Variants in BCL3 observed in about 807,000 individuals in gnomAD.
BCL3 encodes B-cell lymphoma 3 protein.
In BCL3, 15 loss-of-function variants were observed where a neutral mutation model predicts 35.7. The observed-to-expected ratio is 0.42, with a 90% CI of 0.28 to 0.65. The LOEUF is 0.65. Ranked by LOEUF, BCL3 falls within the 30% of genes least tolerant of loss-of-function variation. The probability of loss-of-function intolerance (pLI) is 0.22; values close to 1 mark genes in which losing one functional copy is unlikely to be tolerated. For synonymous variants in BCL3, 311 were observed against 284.3 expected (o/e 1.09, Z -0.95); for missense variants, 565 against 641.7 (o/e 0.88, Z 1.29).
intron 2 of BCL3, 38 bp from the exon 3 acceptor site, chr19:44,756,194 C>T: frequency 1.5e-6 from 2 of 1,371,124 alleles, no homozygotes; most frequent in South Asian, 1.7e-5. Flanking sequence ...GGTGAACAAC[C>T]CCTAATGCCT....
intron 2 of BCL3, among the ~76,000 whole-genome samples, chr19:44,752,557 G>T (rs1420353310): frequency 6.6e-6 from 1 of 151,770 alleles, no homozygotes; most frequent in Non-Finnish European, 1.5e-5. Flanking sequence ...TTGTTTCATG[G>T]TCACAGCCCA....
chr19:44,750,812 A>G (rs1284986360), intron 1 of BCL3, among the ~76,000 whole-genome samples: 1 of 151,362 alleles, frequency 6.6e-6, no homozygotes, highest in Non-Finnish European at 1.5e-5. Flanking sequence ...TTCTGGTAAC[A>G]CCTCCTCTCT....
rs767004697 is a variant in BCL3, at chr19:44,757,701, G to A, written c.869G>A (p.Ser290Asn). Residue 290 changes from serine to asparagine, a missense_variant, in exon 6 of 9, where the codon AGC becomes AAC. By Grantham distance (46) the Ser-to-Asn change is conservative (BLOSUM62 1). Coordinates refer to ENST00000164227, the MANE Select transcript of BCL3 (RefSeq NM_005178.5). The surrounding 1 kb of genome is among the most constrained non-coding windows in gnomAD (Gnocchi z 8.4). The part of the protein sequence containing the change: ...LIHAVENNSL[S>N]MVQLLLQHGA... The stretch of plus-strand genomic sequence containing the variant: ...CACGCCGTGGAAAACAACAGCCTTA[G>A]CATGGTGCAGCTGCTGCTGCAGGTG... The A allele has an allele frequency of 4.3e-5, 70 of 1,613,786 alleles. No individual in the cohort carries two copies. In the South Asian group the frequency reaches 7.6e-4, roughly 17 times the overall value.
chr19:44,758,390 C>G lies in BCL3; in HGVS notation c.1036C>G (p.Leu346Val). ...CAAGAACTGCCACAACGACACGCCG[C>G]TCATGGTGGCGCGCAGCCGCAGGGT... is the stretch of plus-strand genomic sequence containing the variant. ...SLKNCHNDTP[L>V]MVARSRRVID... is the part of the protein sequence containing the mutation. The change falls in exon 7 of 9, where the codon CTC becomes GTC. Residue 346 changes from leucine to valine, a missense_variant. Coordinates refer to ENST00000164227, the MANE Select transcript of BCL3 (RefSeq NM_005178.5). 1 of 1,546,408 alleles carries G rather than the reference C, an allele frequency of 6.5e-7. No homozygotes were observed. The highest frequency in any genetic ancestry group is 8.7e-7 in the Non-Finnish European group (1 of 1,147,322).
intron 1 of BCL3, 57 bp downstream of exon 1, chr19:44,749,103 C>A: frequency 1.0e-6 from 1 of 967,206 alleles, no homozygotes; most frequent in Non-Finnish European, 1.3e-6. Flanking sequence ...ATAGGGTCAC[C>A]AGAGCCAGGA....
chr19:44,751,021 T>C (rs1163658296), intron 1 of BCL3, among the ~76,000 whole-genome samples: 1 of 151,942 alleles, frequency 6.6e-6, no homozygotes, highest in Non-Finnish European at 1.5e-5. Flanking sequence ...TGACCAGCCC[T>C]AGAGGGAGAG....
rs1051756537 is a variant in BCL3 at position 44,748,743 on chromosome 19, C to T, written c.-48C>T. The T allele has an allele frequency of 1.8e-4, 191 of 1,078,780 alleles. 2 individuals are homozygous for T. In the East Asian group the frequency reaches 6.7e-3, roughly 38 times the overall value. The allele number at this position is 1,078,780 out of a possible 1,614,324, so 66.8% of individuals were successfully genotyped here. ...CCGGCGCCCGGCGAAACCACCCTCCCGTGCAGCCGAGCCCAGCCGCTCTCC... is the reference window on the plus strand; with the variant it reads ...CCGGCGCCCGGCGAAACCACCCTCCTGTGCAGCCGAGCCCAGCCGCTCTCC... On this transcript the variant is annotated 5_prime_UTR_variant, in exon 1 of 9. Transcript: ENST00000164227.
At position 44,758,776 on chromosome 19, in the gene BCL3, C is replaced by T. The variant is rs542865146; in HGVS notation, c.1112C>T (p.Pro371Leu). The T allele has an allele frequency of 3.7e-6, 6 of 1,608,882 alleles. No homozygotes were observed. The South Asian group carries it at 4.4e-5, about 12-fold the overall frequency. ...KATRPASTSQPDPSPDRSANT... is the reference protein window; with the variant it reads ...KATRPASTSQLDPSPDRSANT... ...ACCCGGCCTGCTTCCACCTCCCAGC[C>T]AGACCCCTCCCCTGACCGGAGCGCC... is the stretch of plus-strand genomic sequence containing the variant. The change falls in exon 8 of 9, where the codon CCA becomes CTA. Residue 371 changes from proline to leucine, a missense_variant. This residue lies in a region of BCL3 where 151 missense variants were observed against 138.1 expected (regional missense o/e 1.09). Transcript: ENST00000164227.
At chr19:44,754,074 C>T (rs769590292) in intron 2 of BCL3, among the ~76,000 whole-genome samples, 38 of 152,286 alleles carry the variant, frequency 2.5e-4, no homozygotes, top group Non-Finnish European at 5.3e-4. Context: ...AGTCTGTGTT[C>T]CCAAAGGGCC....
At chr19:44,756,408 G>A in intron 3 of BCL3, 68 bp downstream of exon 3, 3 of 1,209,428 alleles carry the variant, frequency 2.5e-6, no homozygotes, top group Non-Finnish European at 3.3e-6. Context: ...AGGGGCTGGG[G>A]GCCTGAACTC....
Position 44,751,245 on chromosome 19 carries a change from A to G in BCL3, c.275A>G (p.Tyr92Cys). The part of the protein sequence containing the change: ...LYYPGALLPL[Y>C]PTRAMGSPFP... Reference sequence around the variant, plus strand: ...TGTCCAGGAGCCTTACTGCCTTTGTACCCCACTCGGGCCATGGGCTCCCCG... The same window carrying G: ...TGTCCAGGAGCCTTACTGCCTTTGTGCCCCACTCGGGCCATGGGCTCCCCG... The change falls in exon 2 of 9, where the codon TAC becomes TGC. Residue 92 changes from tyrosine (Y) to cysteine (C), a missense_variant. Tyr to Cys is a radical substitution (Grantham distance 194, BLOSUM62 -2). Around this residue, in one of 5 missense-constraint regions of BCL3, gnomAD observed 267 missense variants for 281.5 expected, o/e 0.95. Transcript: ENST00000164227. 2 of 1,610,098 alleles carry G rather than the reference A, an allele frequency of 1.2e-6. No homozygotes were observed. The highest frequency in any genetic ancestry group is 8.5e-7 in the Non-Finnish European group (1 of 1,178,396).
chr19:44,758,223 G>T, intron 6 of BCL3, 23 bp from the exon 7 acceptor site: 4 of 1,463,478 alleles, frequency 2.7e-6, no homozygotes, highest in Non-Finnish European at 3.6e-6. Flanking sequence ...GCGCCCTCCT[G>T]ACCCGGCCCT....
chr19:44,757,858 T>A lies in BCL3; in HGVS notation c.891+135T>A. On this transcript the variant is annotated intron_variant, in intron 6 of 8. Coordinates refer to ENST00000164227, the MANE Select transcript of BCL3 (RefSeq NM_005178.5). This position sits in a 1 kb window ranked among gnomAD's most constrained non-coding sequence, Gnocchi z 8.4. ...TGCTCCGCGTCCAGCTCTGATCCTTTAAGGCCTAGTTTTCTCGACCCTCGG... is the reference window on the plus strand; with the variant it reads ...TGCTCCGCGTCCAGCTCTGATCCTTAAAGGCCTAGTTTTCTCGACCCTCGG... The A allele has an allele frequency of 2.4e-6, 2 of 843,920 alleles. No individual in the cohort carries two copies. Among genetic ancestry groups the A allele is most frequent in the Non-Finnish European group, 3.7e-6 (2 of 544,346 alleles). 52.3% of individuals were successfully genotyped at this position (843,920 alleles called of 1,614,324 possible).
upstream of BCL3, chr19:44,748,101 G>C (rs138482264): frequency 1.7e-4 from 220 of 1,331,818 alleles, 1 homozygote; most frequent in African/African-American, 2.9e-3. Flanking sequence ...TCAGAGAGGG[G>C]AAGTGTTTGG....
intron 1 of BCL3, among the ~76,000 whole-genome samples, chr19:44,750,426 G>A (rs900679073): frequency 6.6e-5 from 10 of 152,170 alleles, no homozygotes; most frequent in Non-Finnish European, 1.3e-4. Flanking sequence ...AGCCTCCCGA[G>A]TAGCTGGGAT....
In BCL3 at chr19:44,757,479, CGGGGCCAGTGT is replaced by C. The variant is rs1599843091; in HGVS notation, c.813+70_813+80del. The C allele has an allele frequency of 2.1e-4, 58 of 273,362 alleles. No individual in the cohort carries two copies. The East Asian group carries it at 6.2e-3, about 29-fold the overall frequency. The allele number at this position is 273,362 out of a possible 1,614,324, so 16.9% of individuals were successfully genotyped here. A position where few individuals can be genotyped will look rare whatever the true frequency, so the allele number is the denominator to read the frequency against. ...AGCAGGGGCGGGGTCTTGGCGGGGGCGGGGCCAGTGTGGGGCTGGCGTGGGAGAGCACCCGG... is the reference window on the plus strand; with the variant it reads ...AGCAGGGGCGGGGTCTTGGCGGGGGCGGGGCTGGCGTGGGAGAGCACCCGG... On this transcript the variant is annotated intron_variant, in intron 5 of 8. Transcript: ENST00000164227. This position sits in a 1 kb window ranked among gnomAD's most constrained non-coding sequence, Gnocchi z 8.4.
In BCL3 at chr19:44,748,987, T is replaced by G; in HGVS notation, c.197T>G (p.Leu66Arg). The G allele has an allele frequency of 7.2e-7, 1 of 1,384,262 alleles. No homozygotes were observed. Among genetic ancestry groups the G allele is most frequent in the Non-Finnish European group, 9.4e-7 (1 of 1,067,176 alleles). The allele number at this position is 1,384,262 out of a possible 1,614,324, so 85.7% of individuals were successfully genotyped here. Residue 66 changes from leucine to arginine, a missense_variant, in exon 1 of 9, where the codon CTG (leucine) becomes CGG (arginine). Leu to Arg is a moderately radical substitution (Grantham distance 102, BLOSUM62 -2). This residue lies in a region of BCL3 where 267 missense variants were observed against 281.5 expected (regional missense o/e 0.95). Coordinates refer to ENST00000164227, the MANE Select transcript of BCL3 (RefSeq NM_005178.5). ...PLDPLRGGCD[L>R]PAVPGPPHGL... ...GACCCTCTGCGCGGCGGCTGCGACCTGCCGGCGGTCCCCGGGCCCCCCCAC... is the reference window on the plus strand; with the variant it reads ...GACCCTCTGCGCGGCGGCTGCGACCGGCCGGCGGTCCCCGGGCCCCCCCAC...
At chr19:44,747,801 C>A, upstream of BCL3, 1 of 1,088,288 alleles carries the variant, frequency 9.2e-7, no homozygotes, top group South Asian at 2.9e-5. Context: ...AAGATCTCTG[C>A]GCCTGTCTCC....
At chr19:44,747,849 C>A, upstream of BCL3, 1 of 1,150,568 alleles carries the variant, frequency 8.7e-7, no homozygotes, top group Non-Finnish European at 1.1e-6. Flanking sequence ...ATTTTCCGAG[C>A]ACCCACCCCG....
Sources: allele counts gnomAD v4.1 joint callset (sites outside exome capture counted in the v4.1 genomes callset), GRCh38; gene constraint gnomAD v4.1.1; regional missense constraint gnomAD v4.1.1; non-coding constraint Gnocchi (gnomAD v3.1); transcripts MANE v1.5; gene names NCBI Gene and HGNC (gene_info 2026-07-23, HGNC 2026-07-21).